Variants in GCC1 observed in about 807,000 individuals in gnomAD.
The protein encoded by GCC1 is GRIP and coiled-coil domain-containing protein 1.
A neutral mutation model predicts 62.5 loss-of-function variants in GCC1; 36 were observed. The observed-to-expected ratio is 0.58, with a 90% confidence interval of 0.44 to 0.76. The LOEUF (loss-of-function observed/expected upper bound fraction) is 0.76. Among genes scored for constraint, GCC1 ranks in the 30% least tolerant of loss-of-function variants. The pLI is 0.00. For synonymous variants in GCC1, 391 were observed against 386.8 expected (o/e 1.01, Z -0.13); for missense variants, 885 against 948.3 (o/e 0.93, Z 0.88).
rs116588608 is a variant in GCC1, at chr7:127,581,567, T to C, written c.*447A>G. Reference sequence around the variant, plus strand: ...AGCCTGGTTTTATGTCCCCAGAGAATTGGGGTAGCAATGGACCAGACTCAG... The same window carrying C: ...AGCCTGGTTTTATGTCCCCAGAGAACTGGGGTAGCAATGGACCAGACTCAG... On this transcript the variant is annotated 3_prime_UTR_variant, in exon 2 of 2. Coordinates refer to ENST00000321407, the MANE Select transcript of GCC1 (RefSeq NM_024523.6). 2.9e-3 allele frequency: 451 copies of C among 157,362 alleles called. 5 individuals are homozygous for C. The highest frequency in any genetic ancestry group is 0.01 in the African/African-American group (428 of 41,622). 9.7% of individuals were successfully genotyped at this position (157,362 alleles called of 1,614,324 possible).
In GCC1 at chr7:127,584,844, C is replaced by CGG. The variant is rs1420956476; in HGVS notation, c.338_339insCC (p.Glu113AspfsTer5). On this transcript the variant is annotated frameshift_variant, in exon 1 of 2. Coordinates refer to ENST00000321407, the MANE Select transcript of GCC1 (RefSeq NM_024523.6). ...CCGGTCTGTCATCTTCTACCCCAAACTCACCCTTGGTGCTGGTGAGACTGG... is the reference window on the plus strand; with the variant it reads ...CCGGTCTGTCATCTTCTACCCCAAACGGTCACCCTTGGTGCTGGTGAGACTGG... 3 of 1,614,096 alleles carry CGG rather than the reference C, an allele frequency of 1.9e-6. No homozygotes were observed. Among genetic ancestry groups the CGG allele is most frequent in the Non-Finnish European group, 2.5e-6 (3 of 1,180,044 alleles).
At chr7:127,584,092 C>A (rs1037194482) in intron 1 of GCC1, 59 bp downstream of exon 1, 24 of 1,484,262 alleles carry the variant, frequency 1.6e-5, no homozygotes, top group Middle Eastern at 2.1e-4. Flanking sequence ...AGGAAAAAAA[C>A]CCTAATATTT....
rs374328498 is a variant in GCC1 at position 127,584,451 on chromosome 7, G to C, written c.732C>G (p.Ala244=). Residue 244 remains alanine (A), a synonymous_variant, in exon 1 of 2, where the codon GCC becomes GCG. Coordinates refer to ENST00000321407, the MANE Select transcript of GCC1 (RefSeq NM_024523.6). ...HDRAQEQSDH[A]LMLRELQKLL... ...GCTTCTGGAGCTCACGCAGCATCAAGGCATGGTCACTCTGCTCTTGGGCCC... is the reference window on the plus strand; with the variant it reads ...GCTTCTGGAGCTCACGCAGCATCAACGCATGGTCACTCTGCTCTTGGGCCC... The C allele has an allele frequency of 1.2e-6, 2 of 1,614,024 alleles. No individual in the cohort carries two copies. The highest frequency in any genetic ancestry group is 2.2e-5 in the South Asian group (2 of 91,064).
chr7:127,581,867 A>G lies in GCC1; in HGVS notation c.*147T>C. The G allele has an allele frequency of 3.0e-6, 2 of 662,332 alleles. No homozygotes were observed. Among genetic ancestry groups the G allele is most frequent in the East Asian group, 5.4e-5 (2 of 36,832 alleles). 41.0% of individuals were successfully genotyped at this position (662,332 alleles called of 1,614,324 possible). ...AAGCAGCATTAATGGCATTTGGCAG[A>G]AAATCCCTTCCCACATTGAAGACTC... On this transcript the variant is annotated 3_prime_UTR_variant, in exon 2 of 2. Transcript: ENST00000321407.
At position 127,585,554 on chromosome 7, in the gene GCC1, C is replaced by G; in HGVS notation, c.-372G>C. The G allele has an allele frequency of 4.7e-6, 1 of 212,314 alleles. No homozygotes were observed. Among genetic ancestry groups the G allele is most frequent in the Non-Finnish European group, 9.4e-6 (1 of 106,864 alleles). The allele number at this position is 212,314 out of a possible 1,614,324, so 13.2% of individuals were successfully genotyped here. ...GTCGGCCAGAGGGTTACGCTGAGCT[C>G]GGTCCCATCACGACATCCTAACTAA... On this transcript the variant is annotated 5_prime_UTR_variant, in exon 1 of 2. Transcript: ENST00000321407.
In GCC1 at chr7:127,585,234, G is replaced by A. The variant is rs183442659; in HGVS notation, c.-52C>T. ...TCAGCTTTCCAGCAGAACGGGAGAG[G>A]GCCGTGAAGACGCAGGCGGGGGCTT... On this transcript the variant is annotated 5_prime_UTR_variant, in exon 1 of 2. Coordinates refer to ENST00000321407, the MANE Select transcript of GCC1 (RefSeq NM_024523.6). The A allele has an allele frequency of 6.1e-5, 92 of 1,500,208 alleles. 1 individual carries two copies. In the East Asian group the frequency reaches 1.6e-3, roughly 26 times the overall value. The allele number at this position is 1,500,208 out of a possible 1,614,324, so 92.9% of individuals were successfully genotyped here.
rs1227566173 is a variant in GCC1 at position 127,581,472 on chromosome 7, A to T, written c.*542T>A. The T allele has an allele frequency of 6.5e-6, 1 of 154,460 alleles. No homozygotes were observed. Among genetic ancestry groups the T allele is most frequent in the African/African-American group, 2.4e-5 (1 of 41,390 alleles). 9.6% of individuals were successfully genotyped at this position (154,460 alleles called of 1,614,324 possible). On this transcript the variant is annotated 3_prime_UTR_variant, in exon 2 of 2. Transcript: ENST00000321407. ...AGCTTCCCAGTTCCTTCCAGAATAA[A>T]CTCACTATTCCTTAGCCCTTGGGAC... is the stretch of plus-strand genomic sequence containing the variant.
At chr7:127,583,346 A>G (rs375317858) in intron 1 of GCC1, 37 bp from the exon 2 acceptor site, 5 of 1,492,422 alleles carry the variant, frequency 3.4e-6, no homozygotes, top group Non-Finnish European at 4.5e-6. Flanking sequence ...TGCATCCACA[A>G]AAGCCCCACA....
intron 1 of GCC1, 72 bp from the exon 2 acceptor site, chr7:127,583,381 G>A (rs1446541827): frequency 6.8e-6 from 8 of 1,180,448 alleles, no homozygotes; most frequent in Non-Finnish European, 9.6e-6. Flanking sequence ...AGCAGGAGAG[G>A]GGAGCAAAAG....
Position 127,582,504 on chromosome 7 carries a change from G to A in GCC1, c.1838C>T (p.Ser613Phe). 1 of 1,613,440 alleles carries A rather than the reference G, an allele frequency of 6.2e-7. No individual in the cohort carries two copies. Among genetic ancestry groups the A allele is most frequent in the Non-Finnish European group, 8.5e-7 (1 of 1,180,044 alleles). ...AGGACTTCTGCGTCCTGGCAGCCCA[G>A]AGGCCAAGGCCACAGAACGCAGTTG... Reference protein sequence around the residue: ...LEQLRSVALASGLPGRRSPVG... With the variant: ...LEQLRSVALAFGLPGRRSPVG... Residue 613 changes from serine to phenylalanine, a missense_variant, in exon 2 of 2, where the codon TCT becomes TTT. Coordinates refer to ENST00000321407, the MANE Select transcript of GCC1 (RefSeq NM_024523.6). This position sits in a 1 kb window ranked among gnomAD's most constrained non-coding sequence, Gnocchi z 4.8.
At position 127,585,197 on chromosome 7, in the gene GCC1, G is replaced by C. The variant is rs760904703; in HGVS notation, c.-15C>G. On this transcript the variant is annotated 5_prime_UTR_variant, in exon 1 of 2. In the 5' UTR this introduces an upstream ATG that the reference lacks. Coordinates refer to ENST00000321407, the MANE Select transcript of GCC1 (RefSeq NM_024523.6). ...AACTTCTCCATGGAGGGTCTGAACG[G>C]ATTGCCCCACGTCAGCTTTCCAGCA... 4 of 1,563,824 alleles carry C rather than the reference G, an allele frequency of 2.6e-6. No homozygotes were observed. Among genetic ancestry groups the C allele is most frequent in the South Asian group, 2.4e-5 (2 of 84,090 alleles).
At position 127,582,148 on chromosome 7, in the gene GCC1, T is replaced by G. The variant is rs990396444; in HGVS notation, c.2194A>C (p.Thr732Pro). The change falls in exon 2 of 2, where the codon ACC becomes CCC. Residue 732 changes from threonine to proline, a missense_variant. By Grantham distance (38) the Thr-to-Pro change is conservative. Transcript: ENST00000321407. This position sits in a 1 kb window ranked among gnomAD's most constrained non-coding sequence, Gnocchi z 4.8. ...TGGCGGCCCAGGGAGTCAGGTAAGGTCAGGAAGCGGTAGATGATGTTTTTG... is the reference window on the plus strand; with the variant it reads ...TGGCGGCCCAGGGAGTCAGGTAAGGGCAGGAAGCGGTAGATGATGTTTTTG... ...YLKNIIYRFL[T>P]LPDSLGRQQT... 2.5e-6 allele frequency: 4 copies of G among 1,613,884 alleles called. No homozygotes were observed. The highest frequency in any genetic ancestry group is 3.4e-6 in the Non-Finnish European group (4 of 1,180,012).
rs778594207 is a variant in GCC1, at chr7:127,582,313, G to A, written c.2029C>T (p.Leu677=). ...ITSLRKQKHR[L]EVEVHQLQDR... is the part of the protein sequence containing the mutation. ...TGCAGCTGATGCACCTCGACCTCCAGCCTGTGCTTCTGCTTCCTCAGTGAT... is the reference window on the plus strand; with the variant it reads ...TGCAGCTGATGCACCTCGACCTCCAACCTGTGCTTCTGCTTCCTCAGTGAT... The change falls in exon 2 of 2, where the codon CTG becomes TTG. Residue 677 remains leucine, a synonymous_variant. Transcript: ENST00000321407. The surrounding 1 kb of genome is among the most constrained non-coding windows in gnomAD (Gnocchi z 4.8). 6.2e-7 allele frequency: 1 copy of A among 1,614,192 alleles called. No homozygotes were observed. Among genetic ancestry groups the A allele is most frequent in the South Asian group, 1.1e-5 (1 of 91,086 alleles).
rs1405475202 is a variant in GCC1, at chr7:127,585,418, A to C, written c.-236T>G. ...GATTCTACCCCGGAGGCGGGGCGAC[A>C]CTGGCACCAGAGGTGCGCACTGCCA... On this transcript the variant is annotated 5_prime_UTR_variant, in exon 1 of 2. Transcript: ENST00000321407. The C allele has an allele frequency of 1.8e-6, 1 of 549,754 alleles. No individual in the cohort carries two copies. Among genetic ancestry groups the C allele is most frequent in the East Asian group, 3.1e-5 (1 of 32,450 alleles). The allele number at this position is 549,754 out of a possible 1,614,324, so 34.1% of individuals were successfully genotyped here.
At position 127,582,743 on chromosome 7, in the gene GCC1, G is replaced by C. The variant is rs1249603704; in HGVS notation, c.1599C>G (p.Ser533=). 1.2e-6 allele frequency: 2 copies of C among 1,613,998 alleles called. No homozygotes were observed. Among genetic ancestry groups the C allele is most frequent in the African/African-American group, 1.3e-5 (1 of 74,910 alleles). Residue 533 remains serine, a synonymous_variant, in exon 2 of 2, where the codon TCC becomes TCG. Transcript: ENST00000321407. This position sits in a 1 kb window ranked among gnomAD's most constrained non-coding sequence, Gnocchi z 4.8. The part of the protein sequence containing the change: ...QLAELKEKYI[S]LRLSCEELEH... The stretch of plus-strand genomic sequence containing the variant: ...CCAGCTCCTCGCAGGAGAGCCGCAG[G>C]GAAATATACTTCTCCTTCAGCTCTG...
Position 127,582,629 on chromosome 7 carries a change from C to G in GCC1, c.1713G>C (p.Gln571His), listed in dbSNP as rs760647290. The G allele has an allele frequency of 5.8e-5, 94 of 1,612,960 alleles. No homozygotes were observed. Among genetic ancestry groups the G allele is most frequent in the Admixed American group, 1.0e-4 (6 of 60,006 alleles). The change falls in exon 2 of 2, where the codon CAG becomes CAC. Residue 571 changes from glutamine (Q) to histidine (H), a missense_variant. Transcript: ENST00000321407. The surrounding 1 kb of genome is among the most constrained non-coding windows in gnomAD (Gnocchi z 4.8). ...TCAGTGTGCGGTCCCTGAAGTCCAG[C>G]TGGCACCGCTCCAGCTCCTGCCGGT... is the stretch of plus-strand genomic sequence containing the variant. ...QLHRQELERCQLDFRDRTLKL... is the reference protein window; with the variant it reads ...QLHRQELERCHLDFRDRTLKL...
Position 127,584,796 on chromosome 7 carries a change from C to A in GCC1, c.387G>T (p.Lys129Asn). ...DRPARGPPPPKSEEASWSESG... is the reference protein window; with the variant it reads ...DRPARGPPPPNSEEASWSESG... ...TCTCGGACCAACTGGCCTCTTCGGA[C>A]TTTGGAGGTGGTGGTCCACGGGCCG... The change falls in exon 1 of 2, where the codon AAG (lysine) becomes AAT (asparagine). Residue 129 changes from lysine to asparagine, a missense_variant. Transcript: ENST00000321407. The A allele has an allele frequency of 6.2e-7, 1 of 1,614,216 alleles. No homozygotes were observed. Among genetic ancestry groups the A allele is most frequent in the Non-Finnish European group, 8.5e-7 (1 of 1,180,032 alleles).
rs1172793417 is a variant in GCC1, at chr7:127,585,476, G to C, written c.-294C>G. ...TTAGCGCTGGCCCAGAAGCCGCTCC[G>C]CACTCTCCGCTCGTCTGGGCCACAG... On this transcript the variant is annotated 5_prime_UTR_variant, in exon 1 of 2. Transcript: ENST00000321407. 2 of 398,812 alleles carry C rather than the reference G, an allele frequency of 5.0e-6. No individual in the cohort carries two copies. Among genetic ancestry groups the C allele is most frequent in the Non-Finnish European group, 9.1e-6 (2 of 220,562 alleles). 24.7% of individuals were successfully genotyped at this position (398,812 alleles called of 1,614,324 possible).
rs1355274230 is a variant in GCC1, at chr7:127,582,801, C to T, written c.1541G>A (p.Gly514Glu). 4 of 1,614,064 alleles carry T rather than the reference C, an allele frequency of 2.5e-6. No homozygotes were observed. The South Asian group carries it at 3.3e-5, about 13-fold the overall frequency. Reference sequence around the variant, plus strand: ...TTCCTGGGCTGCCTCCAGCTCCTTTCCCAGGTTACCATCTTTGGTATTCTT... The same window carrying T: ...TTCCTGGGCTGCCTCCAGCTCCTTTTCCAGGTTACCATCTTTGGTATTCTT... ...KSKNTKDGNL[G>E]KELEAAQEQL... The change falls in exon 2 of 2, where the codon GGA (glycine) becomes GAA (glutamate). Residue 514 changes from glycine (G) to glutamate (E), a missense_variant. By Grantham distance (98) the Gly-to-Glu change is moderately conservative. Transcript: ENST00000321407. This position sits in a 1 kb window ranked among gnomAD's most constrained non-coding sequence, Gnocchi z 4.8.
Sources: gnomAD v4.1 joint callset for allele counts on GRCh38, gnomAD v4.1.1 for gene constraint, Gnocchi (gnomAD v3.1) non-coding constraint, MANE v1.5 for transcripts, NCBI Gene and HGNC (gene_info 2026-07-23, HGNC 2026-07-21) for gene names.